CANT1: variants seen among roughly 807,000 people sequenced by gnomAD.
CANT1 encodes soluble calcium-activated nucleotidase 1.
In CANT1, 26 loss-of-function variants were observed where a neutral mutation model predicts 30.0. The ratio of observed to expected loss-of-function variants is 0.87; its 90% confidence interval spans 0.64 to 1.20. The LOEUF (loss-of-function observed/expected upper bound fraction) is 1.20. CANT1 is among the 50% of genes most tolerant of loss of function. The pLI is 0.00. For synonymous variants in CANT1, 246 were observed against 251.8 expected, an observed-to-expected ratio of 0.98 and a Z score of 0.22; for missense variants, 518 against 563.0, an observed-to-expected ratio of 0.92 and a Z score of 0.81.
At position 78,993,845 on chromosome 17, in the gene CANT1, T is replaced by C. The variant is rs1208334742; in HGVS notation, c.911A>G (p.Gln304Arg). ...GTCGTCCTTCTCGCTGTAGCGCTCC[T>C]GGCTGGCGCGGCGCGGCAGGAAGAA... ...RWFFLPRRAS[Q>R]ERYSEKDDER... Residue 304 changes from glutamine (Q) to arginine (R), a missense_variant, in exon 5 of 5, where the codon CAG becomes CGG. Physicochemically the swap from Gln to Arg is conservative, Grantham distance 43. This residue lies in a region of CANT1 where 221 missense variants were observed against 211.8 expected (regional missense o/e 1.04). Transcript: ENST00000392446. This position sits in a 1 kb window ranked among gnomAD's most constrained non-coding sequence, Gnocchi z 4.5. The C allele has an allele frequency of 1.9e-6, 3 of 1,601,986 alleles. No homozygotes were observed. The highest frequency in any genetic ancestry group is 1.3e-5 in the African/African-American group (1 of 74,820).
intron 1 of CANT1, among the ~76,000 whole-genome samples, chr17:79,001,686 G>T (rs2071268101): frequency 6.6e-6 from 1 of 151,848 alleles, no homozygotes; most frequent in Non-Finnish European, 1.5e-5. Flanking sequence ...AACCCAGTGA[G>T]CACATTGTCA....
Position 78,992,226 on chromosome 17 carries a change from G to C in CANT1, c.*1324C>G, listed in dbSNP as rs2070863902. On this transcript the variant is annotated 3_prime_UTR_variant, in exon 5 of 5. Coordinates refer to ENST00000392446, the MANE Select transcript of CANT1 (RefSeq NM_001159773.2). Reference sequence around the variant, plus strand: ...TCGCAGCTGTGCTTGAGTTTCAAAGGGGGAGAGGTTTGTGAGGGACCGGCA... The same window carrying C: ...TCGCAGCTGTGCTTGAGTTTCAAAGCGGGAGAGGTTTGTGAGGGACCGGCA... 4.3e-6 allele frequency: 1 copy of C among 233,308 alleles called. No homozygotes were observed. Among genetic ancestry groups the C allele is most frequent in the Admixed American group, 5.5e-5 (1 of 18,028 alleles). 14.5% of individuals were successfully genotyped at this position (233,308 alleles called of 1,614,324 possible). A position where few individuals can be genotyped will look rare whatever the true frequency, so the allele number is the denominator to read the frequency against.
chr17:78,995,429 T>C lies in CANT1; in HGVS notation c.632-208A>G, dbSNP rs1288459078. On this transcript the variant is annotated intron_variant, in intron 3 of 4. Coordinates refer to ENST00000392446, the MANE Select transcript of CANT1 (RefSeq NM_001159773.2). The surrounding 1 kb of genome is among the most constrained non-coding windows in gnomAD (Gnocchi z 5.7). ...GCTCCTGAAGGTTCAGTGACCACTCTCAAGTCTCCTCTGATCCCCAACTCC... is the reference window on the plus strand; with the variant it reads ...GCTCCTGAAGGTTCAGTGACCACTCCCAAGTCTCCTCTGATCCCCAACTCC... Among the ~76,000 whole-genome samples the C allele has an allele frequency of 6.6e-6, 1 of 152,102 alleles. No individual in the cohort carries two copies. The highest frequency in any genetic ancestry group is 2.4e-5 in the African/African-American group (1 of 41,418).
At position 78,992,328 on chromosome 17, in the gene CANT1, TG is replaced by T. The variant is rs1190407144; in HGVS notation, c.*1221del. The stretch of plus-strand genomic sequence containing the variant: ...TCGCGGGGTGGGGTAGGAGTGAGGG[TG>T]GGGGTCGGGGTGAGGTAGTGCTGTG... On this transcript the variant is annotated 3_prime_UTR_variant, in exon 5 of 5. Coordinates refer to ENST00000392446, the MANE Select transcript of CANT1 (RefSeq NM_001159773.2). 4.4e-6 allele frequency: 1 copy of T among 228,396 alleles called. No individual in the cohort carries two copies. The highest frequency in any genetic ancestry group is 8.7e-6 in the Non-Finnish European group (1 of 115,470). The allele number at this position is 228,396 out of a possible 1,614,324, so 14.1% of individuals were successfully genotyped here. A position where few individuals can be genotyped will look rare whatever the true frequency, so the allele number is the denominator to read the frequency against.
rs35755919 is a variant in CANT1 at position 78,999,642 on chromosome 17, ATTTTTT to A, written c.-146-1685_-146-1680del. On this transcript the variant is annotated intron_variant, in intron 1 of 4. Coordinates refer to ENST00000392446, the MANE Select transcript of CANT1 (RefSeq NM_001159773.2). Reference sequence around the variant, plus strand: ...AGGCGTGTGCCACCACGCACAGCGAATTTTTTTTTTTTTTTTTTTTTTTTTTTGGAG... The same window carrying A: ...AGGCGTGTGCCACCACGCACAGCGAATTTTTTTTTTTTTTTTTTTTTGGAG... 3.6e-3 allele frequency among the ~76,000 whole-genome samples: 348 copies of A among 97,352 alleles called. 3 individuals are homozygous for A. Among genetic ancestry groups the A allele is most frequent in the African/African-American group, 0.013 (328 of 24,530 alleles). The allele number at this position is 97,352 out of a possible 152,430, so 63.9% of individuals were successfully genotyped here.
At chr17:79,005,135 T>G (rs112478161) in intron 1 of CANT1, among the ~76,000 whole-genome samples, 153 of 18,894 alleles carry the variant, frequency 8.1e-3, no homozygotes, top group East Asian at 0.062. Flanking sequence ...GGAGAGGGGA[T>G]TTAGGGAGGG....
rs914449437 is a variant in CANT1, at chr17:79,009,161, T to C, written c.-147+503A>G. 7.8e-4 allele frequency among the ~76,000 whole-genome samples: 111 copies of C among 141,818 alleles called. 1 individual carries two copies. Among genetic ancestry groups the C allele is most frequent in the Non-Finnish European group, 4.3e-4 (28 of 65,470 alleles). The allele number at this position is 141,818 out of a possible 152,430, so 93.0% of individuals were successfully genotyped here. On this transcript the variant is annotated intron_variant, in intron 1 of 4. Transcript: ENST00000392446. ...TAACCAGAGGGGGAGGTGCCCCACA[T>C]GAATCAGAGGGGGGTGGTCCCCACA...
Position 78,996,831 on chromosome 17 carries a change from G to T in CANT1, c.631+161C>A. ...ACAGTAGGCTATGCTCCTGGCTAAG[G>T]GTAAGGGGGCCGCAGGTCAGAGCAA... On this transcript the variant is annotated intron_variant, in intron 3 of 4. Transcript: ENST00000392446. This position sits in a 1 kb window ranked among gnomAD's most constrained non-coding sequence, Gnocchi z 5.1. 1.0e-6 allele frequency: 1 copy of T among 981,848 alleles called. No individual in the cohort carries two copies. Among genetic ancestry groups the T allele is most frequent in the South Asian group, 1.3e-5 (1 of 77,928 alleles). The allele number at this position is 981,848 out of a possible 1,614,324, so 60.8% of individuals were successfully genotyped here.
chr17:79,005,377 G>C (rs915293838), intron 1 of CANT1: 2 of 152,228 alleles, frequency 1.3e-5, no homozygotes, highest in Non-Finnish European at 2.9e-5. Flanking sequence ...CCTACCTCCC[G>C]AGGCCATCCC....
At position 78,997,515 on chromosome 17, in the gene CANT1, G is replaced by A. The variant is rs776640514; in HGVS notation, c.108C>T (p.Asp36=). 6.4e-7 allele frequency: 1 copy of A among 1,570,250 alleles called. No individual in the cohort carries two copies. The highest frequency in any genetic ancestry group is 8.6e-7 in the Non-Finnish European group (1 of 1,156,622). The stretch of plus-strand genomic sequence containing the variant: ...CCTTCCAGCGGGGGCGGAAGCGGGG[G>A]TCCGCGGCCTTGGTCATGGACGCCA... The part of the protein sequence containing the change: ...PVLASMTKAA[D]PRFRPRWKVI... Residue 36 remains aspartate, a synonymous_variant, in exon 3 of 5, where the codon GAC becomes GAT. Transcript: ENST00000392446. The surrounding 1 kb of genome is among the most constrained non-coding windows in gnomAD (Gnocchi z 7.5).
chr17:78,997,700 C>T lies in CANT1; in HGVS notation c.-22-56G>A. 1 of 1,444,272 alleles carries T rather than the reference C, an allele frequency of 6.9e-7. No homozygotes were observed. The highest frequency in any genetic ancestry group is 9.2e-7 in the Non-Finnish European group (1 of 1,088,388). The allele number at this position is 1,444,272 out of a possible 1,614,324, so 89.5% of individuals were successfully genotyped here. On this transcript the variant is annotated intron_variant, in intron 2 of 4. Transcript: ENST00000392446. The surrounding 1 kb of genome is among the most constrained non-coding windows in gnomAD (Gnocchi z 7.5). ...AGCGCCTCCGCAAGCCCAGTCACAT[C>T]TTAGTTCCGGAAGCTGCAGGCGCTG...
At chr17:78,994,043 A>C (rs1852381947) in intron 4 of CANT1, 123 bp from the exon 5 acceptor site, 1 of 1,302,620 alleles carries the variant, frequency 7.7e-7, no homozygotes, top group Non-Finnish European at 1.0e-6. Context: ...AGCTCACAGC[A>C]ACCCGCCCCT....
intron 1 of CANT1, chr17:79,006,054 A>C (rs1211848004): frequency 6.6e-6 from 1 of 152,264 alleles, no homozygotes; most frequent in Non-Finnish European, 1.5e-5. Context: ...TCCTGCCTCC[A>C]CAGACAGCAC....
chr17:79,005,714 C>G (rs948301514), intron 1 of CANT1, among the ~76,000 whole-genome samples: 2 of 152,148 alleles, frequency 1.3e-5, no homozygotes, highest in African/African-American at 4.8e-5. Flanking sequence ...AGAGAGCAGG[C>G]AGGCAGGCCT....
chr17:79,001,464 C>T (rs1157105937), intron 1 of CANT1, among the ~76,000 whole-genome samples: 1 of 152,116 alleles, frequency 6.6e-6, no homozygotes, highest in Admixed American at 6.5e-5. Context: ...ACCTCCAGAC[C>T]CCACACTCCC....
rs1017951360 is a variant in CANT1 at position 78,993,215 on chromosome 17, G to C, written c.*335C>G. 1.6e-5 allele frequency: 7 copies of C among 438,914 alleles called. No individual in the cohort carries two copies. The highest frequency in any genetic ancestry group is 2.5e-5 in the Non-Finnish European group (6 of 235,786). The allele number at this position is 438,914 out of a possible 1,614,324, so 27.2% of individuals were successfully genotyped here. On this transcript the variant is annotated 3_prime_UTR_variant, in exon 5 of 5. Transcript: ENST00000392446. The surrounding 1 kb of genome is among the most constrained non-coding windows in gnomAD (Gnocchi z 4.5). ...GCATAGGGCCTGACATATGGTAGGA[G>C]CTCTAGGGATATTCACTGAACAAAA...
At chr17:79,000,474 C>T (rs948170292) in intron 1 of CANT1, among the ~76,000 whole-genome samples, 1 of 151,590 alleles carries the variant, frequency 6.6e-6, no homozygotes, top group Non-Finnish European at 1.5e-5. Context: ...TACCCCCCGC[C>T]ATGAAGTTGC....
rs979326931 is a variant in CANT1, at chr17:78,996,746, C to T, written c.631+246G>A. Reference sequence around the variant, plus strand: ...GAAAACATCTTGGAGAGATTCCCCACGTCTCCCACAGGCCTCTAGCGATAA... The same window carrying T: ...GAAAACATCTTGGAGAGATTCCCCATGTCTCCCACAGGCCTCTAGCGATAA... On this transcript the variant is annotated intron_variant, in intron 3 of 4. Transcript: ENST00000392446. This position sits in a 1 kb window ranked among gnomAD's most constrained non-coding sequence, Gnocchi z 5.1. Among the ~76,000 whole-genome samples the T allele has an allele frequency of 1.3e-5, 2 of 152,186 alleles. No homozygotes were observed. Among genetic ancestry groups the T allele is most frequent in the African/African-American group, 4.8e-5 (2 of 41,442 alleles).
chr17:78,993,590 T>G lies in CANT1; in HGVS notation c.1166A>C (p.Lys389Thr). The G allele has an allele frequency of 6.2e-7, 1 of 1,614,268 alleles. No individual in the cohort carries two copies. The highest frequency in any genetic ancestry group is 8.5e-7 in the Non-Finnish European group (1 of 1,180,052). The change falls in exon 5 of 5, where the codon AAG becomes ACG. Residue 389 changes from lysine (K) to threonine (T), a missense_variant. By Grantham distance (78) the Lys-to-Thr change is moderately conservative (BLOSUM62 -1). Around this residue, in one of 3 missense-constraint regions of CANT1, gnomAD observed 221 missense variants for 211.8 expected, o/e 1.04. Transcript: ENST00000392446. This position sits in a 1 kb window ranked among gnomAD's most constrained non-coding sequence, Gnocchi z 4.5. ...GCCTTCGTATTTCACGCTTCCGATCTTGGTCTCCGGCAACAGGAAGCGCCC... is the reference window on the plus strand; with the variant it reads ...GCCTTCGTATTTCACGCTTCCGATCGTGGTCTCCGGCAACAGGAAGCGCCC... ...LDGRFLLPET[K>T]IGSVKYEGIE... is the part of the protein sequence containing the mutation.
Sources: allele counts gnomAD v4.1 joint callset (sites outside exome capture counted in the v4.1 genomes callset), GRCh38; gene constraint gnomAD v4.1.1; regional missense constraint gnomAD v4.1.1; non-coding constraint Gnocchi (gnomAD v3.1); transcripts MANE v1.5; gene names NCBI Gene and HGNC (gene_info 2026-07-23, HGNC 2026-07-21).